TNIP1: variants seen among roughly 807,000 people sequenced by gnomAD.
TNIP1 encodes the protein TNFAIP3 interacting protein 1.
TNIP1 carries 22 observed loss-of-function variants against 86.6 expected under a neutral mutation model. The ratio of observed to expected loss-of-function variants is 0.25; its 90% CI spans 0.18 to 0.36. TNIP1 has a LOEUF of 0.36. Among genes scored for constraint, TNIP1 ranks in the 10% least tolerant of loss-of-function variants. The pLI is 1.00. For synonymous variants in TNIP1, 294 were observed against 313.0 expected, an observed-to-expected ratio of 0.94 and a Z score of 0.64; for missense variants, 709 against 820.6, an observed-to-expected ratio of 0.86 and a Z score of 1.66.
At chr5:151,075,603 T>C (rs971942103) in intron 1 of TNIP1, among the ~76,000 whole-genome samples, 1 of 152,218 alleles carries the variant, frequency 6.6e-6, no homozygotes, top group Non-Finnish European at 1.5e-5. Context: ...GGTTTTCTGT[T>C]CCTGTGTTAA....
chr5:151,060,380 A>G lies in TNIP1; in HGVS notation c.373T>C (p.Phe125Leu). 1 of 1,614,186 alleles carries G rather than the reference A, an allele frequency of 6.2e-7. No individual in the cohort carries two copies. Among genetic ancestry groups the G allele is most frequent in the Non-Finnish European group, 8.5e-7 (1 of 1,180,034 alleles). Residue 125 changes from phenylalanine to leucine, a missense_variant, in exon 5 of 18, where the codon TTT (phenylalanine) becomes CTT (leucine). By Grantham distance (22) the Phe-to-Leu change is conservative (BLOSUM62 0). Coordinates refer to ENST00000521591, the MANE Select transcript of TNIP1 (RefSeq NM_006058.5). The part of the protein sequence containing the change: ...KPPSSGTSSE[F>L]EVVTPEEQNS... ...TGCTCCTCAGGAGTGACCACTTCAA[A>G]TTCAGAGGAGGTGCCCTGTGCAGAA...
At chr5:151,033,925 T>G in intron 15 of TNIP1, 126 bp from the exon 16 acceptor site, 4 of 830,830 alleles carry the variant, frequency 4.8e-6, no homozygotes, top group Non-Finnish European at 5.2e-6. Flanking sequence ...GGCTGGTATG[T>G]GGTCATGAAA....
intron 1 of TNIP1, among the ~76,000 whole-genome samples, chr5:151,076,586 G>A (rs1422217625): frequency 6.6e-6 from 1 of 152,200 alleles, no homozygotes; most frequent in Admixed American, 6.5e-5. Flanking sequence ...CAGTGGCACA[G>A]AAGAAATGCA....
upstream of TNIP1, among the ~76,000 whole-genome samples, chr5:151,083,383 A>G (rs941775320): frequency 7.9e-5 from 12 of 152,176 alleles, no homozygotes; most frequent in Admixed American, 5.2e-4. Flanking sequence ...AAACTCAGCA[A>G]TGCAACCTCA....
At chr5:151,060,616 C>G (rs1453906532) in intron 4 of TNIP1, among the ~76,000 whole-genome samples, 1 of 152,234 alleles carries the variant, frequency 6.6e-6, no homozygotes, top group Non-Finnish European at 1.5e-5. Flanking sequence ...ATGGCCAATC[C>G]TCTTTTGTAG....
chr5:151,059,860 TGTGTGTGCGCGCGC>T (rs1257616817), intron 5 of TNIP1, among the ~76,000 whole-genome samples: 8 of 97,348 alleles, frequency 8.2e-5, no homozygotes, highest in South Asian at 6.7e-4. Context: ...TGTGTGTGTG[TGTGTGTGCGCGCGC>T]GCGCGCGCAT....
At chr5:151,050,733 A>T (rs1759810575) in intron 7 of TNIP1, among the ~76,000 whole-genome samples, 1 of 151,936 alleles carries the variant, frequency 6.6e-6, no homozygotes, top group Non-Finnish European at 1.5e-5. Context: ...GCTCCTACTC[A>T]AGTAATCCTC....
At chr5:151,054,318 G>A (rs898006730) in intron 6 of TNIP1, among the ~76,000 whole-genome samples, 2 of 152,150 alleles carry the variant, frequency 1.3e-5, no homozygotes, top group Non-Finnish European at 2.9e-5. Flanking sequence ...GGAGACTCTT[G>A]GGAAGGCTGA....
intron 1 of TNIP1, among the ~76,000 whole-genome samples, chr5:151,076,335 C>A (rs927540863): frequency 6.6e-6 from 1 of 152,154 alleles, no homozygotes; most frequent in African/African-American, 2.4e-5. Flanking sequence ...GCAGGCACTG[C>A]AGGCATGTGG....
intron 16 of TNIP1, 55 bp downstream of exon 16, chr5:151,033,553 G>T (rs1210629809): frequency 8.4e-7 from 1 of 1,185,966 alleles, no homozygotes; most frequent in Non-Finnish European, 1.2e-6. Context: ...TCTCTGGAAG[G>T]TGTCTGGGGC....
chr5:151,039,076 G>C (rs111472781), intron 12 of TNIP1, 21 bp downstream of exon 12: 1 of 1,607,556 alleles, frequency 6.2e-7, no homozygotes, highest in Non-Finnish European at 8.5e-7. Flanking sequence ...CCAGCCAAGG[G>C]ACCCGGGCCA....
chr5:151,084,777 C>G (rs1024607602), upstream of TNIP1, among the ~76,000 whole-genome samples: 1 of 152,156 alleles, frequency 6.6e-6, no homozygotes, highest in African/African-American at 2.4e-5. Context: ...TTCCTTAGAT[C>G]CATAACCTGA....
chr5:151,060,984 G>C (rs951025047), intron 4 of TNIP1, among the ~76,000 whole-genome samples: 2 of 152,366 alleles, frequency 1.3e-5, no homozygotes, highest in East Asian at 3.9e-4. Context: ...GGAGATCCCA[G>C]AGGAGTGAAC....
At chr5:151,046,496 G>C (rs985590161) in intron 8 of TNIP1, 2 of 152,668 alleles carry the variant, frequency 1.3e-5, no homozygotes, top group Non-Finnish European at 2.9e-5. Flanking sequence ...TCTGTAAGGG[G>C]CTAAAGCAGA....
intron 13 of TNIP1, among the ~76,000 whole-genome samples, chr5:151,036,303 G>A (rs1473506585): frequency 6.6e-6 from 1 of 152,124 alleles, no homozygotes; most frequent in East Asian, 1.9e-4. Context: ...AGGGCTAGTA[G>A]GTCTTTAATA....
Position 151,059,880 on chromosome 5 carries a change from C to T in TNIP1, c.435+438G>A, listed in dbSNP as rs1202575183. On this transcript the variant is annotated intron_variant, in intron 5 of 17. Coordinates refer to ENST00000521591, the MANE Select transcript of TNIP1 (RefSeq NM_006058.5). Reference sequence around the variant, plus strand: ...GTGTGTGTGTGTGCGCGCGCGCGCGCGCATGCGTGTAAGTGGAAAGTTGAA... The same window carrying T: ...GTGTGTGTGTGTGCGCGCGCGCGCGTGCATGCGTGTAAGTGGAAAGTTGAA... Among the ~76,000 whole-genome samples the T allele has an allele frequency of 3.3e-4, 40 of 120,180 alleles. No homozygotes were observed. The East Asian group carries it at 9.7e-3, about 29-fold the overall frequency. The allele number at this position is 120,180 out of a possible 152,430, so 78.8% of individuals were successfully genotyped here. A position where few individuals can be genotyped will look rare whatever the true frequency, so the allele number is the denominator to read the frequency against.
At position 151,042,528 on chromosome 5, in the gene TNIP1, A is replaced by G. The variant is rs376389540; in HGVS notation, c.1134+12T>C. 4.3e-6 allele frequency: 7 copies of G among 1,611,260 alleles called. No individual in the cohort carries two copies. Among genetic ancestry groups the G allele is most frequent in the Non-Finnish European group, 5.9e-6 (7 of 1,179,832 alleles). The stretch of plus-strand genomic sequence containing the variant: ...GGGAACTGACTCTGCAGGGACCAGC[A>G]GTCACACTTGCCTCCTCCATTTCAA... On this transcript the variant is annotated intron_variant, in intron 11 of 17. Transcript: ENST00000521591.
chr5:151,060,342 C>T lies in TNIP1; in HGVS notation c.411G>A (p.Glu137=). ...VVTPEEQNSP[E]SSSHANAMAL... Reference sequence around the variant, plus strand: ...CCATCGCATTGGCATGGCTGCTGCTCTCTGGTGAATTCTGCTCCTCAGGAG... The same window carrying T: ...CCATCGCATTGGCATGGCTGCTGCTTTCTGGTGAATTCTGCTCCTCAGGAG... Residue 137 remains glutamate (E), a synonymous_variant, in exon 5 of 18, where the codon GAG becomes GAA. Transcript: ENST00000521591. The T allele has an allele frequency of 1.2e-6, 2 of 1,614,168 alleles. No individual in the cohort carries two copies. Among genetic ancestry groups the T allele is most frequent in the South Asian group, 2.2e-5 (2 of 91,078 alleles).
intron 6 of TNIP1, among the ~76,000 whole-genome samples, chr5:151,054,812 T>G (rs926548693): frequency 1.3e-5 from 2 of 152,210 alleles, no homozygotes; most frequent in African/African-American, 4.8e-5. Flanking sequence ...AGTGAATGAA[T>G]GAGGAGGAAC....
Sources: allele counts gnomAD v4.1 joint callset (sites outside exome capture counted in the v4.1 genomes callset), GRCh38; gene constraint gnomAD v4.1.1; transcripts MANE v1.5; gene names NCBI Gene and HGNC (gene_info 2026-07-23, HGNC 2026-07-21).